COL4A1: variants seen among roughly 807,000 people sequenced by gnomAD.
COL4A1 encodes the protein collagen alpha-1(IV) chain.
Under a neutral mutation model 216.6 loss-of-function variants are expected in COL4A1, and 40 were observed. The observed-to-expected ratio is 0.18, with a 90% CI of 0.14 to 0.24. The LOEUF (loss-of-function observed/expected upper bound fraction) is 0.24. COL4A1 is among the 10% of genes least tolerant of loss of function. The probability of loss-of-function intolerance (pLI) is 1.00; values close to 1 mark genes in which losing one functional copy is unlikely to be tolerated. For synonymous variants in COL4A1, 839 were observed against 810.7 expected, an observed-to-expected ratio of 1.03 and a Z score of -0.59; for missense variants, 1,628 against 2,196.8, an observed-to-expected ratio of 0.74 and a Z score of 5.18.
intron 2 of COL4A1, among the ~76,000 whole-genome samples, chr13:110,218,261 T>G (rs1452753506): frequency 6.6e-6 from 1 of 152,080 alleles, no homozygotes; most frequent in African/African-American, 2.4e-5. Context: ...AATCAAAATT[T>G]TAATGGATTT....
intron 49 of COL4A1, among the ~76,000 whole-genome samples, chr13:110,157,933 C>A (rs977341228): frequency 1.3e-5 from 2 of 152,092 alleles, no homozygotes; most frequent in Non-Finnish European, 2.9e-5. Flanking sequence ...GAGCTCCTGT[C>A]AAGGAGCTCT....
At chr13:110,182,812 T>A (rs1024232431) in intron 28 of COL4A1, among the ~76,000 whole-genome samples, 181 bp downstream of exon 28, 1 of 152,248 alleles carries the variant, frequency 6.6e-6, no homozygotes, top group Non-Finnish European at 1.5e-5. Context: ...AACCCTACAC[T>A]GCAAGGCAGC....
At chr13:110,283,647 G>A (rs2139302927) in intron 1 of COL4A1, among the ~76,000 whole-genome samples, 1 of 152,140 alleles carries the variant, frequency 6.6e-6, no homozygotes. Flanking sequence ...ATGCACACAG[G>A]CATGTGCATG....
intron 1 of COL4A1, among the ~76,000 whole-genome samples, chr13:110,267,660 TG>T (rs1566430980): frequency 6.6e-6 from 1 of 152,186 alleles, no homozygotes; most frequent in Non-Finnish European, 1.5e-5. Flanking sequence ...CAAAGAAAAC[TG>T]ATCTATAGCT....
At chr13:110,250,943 C>G (rs1293395906) in intron 1 of COL4A1, among the ~76,000 whole-genome samples, 2 of 152,200 alleles carry the variant, frequency 1.3e-5, no homozygotes. Context: ...GAAGGAATCT[C>G]CCACCCATAG....
intron 21 of COL4A1, among the ~76,000 whole-genome samples, chr13:110,197,239 T>C (rs988278301): frequency 8.4e-6 from 1 of 118,976 alleles, no homozygotes; most frequent in Non-Finnish European, 1.6e-5. Flanking sequence ...CTCTGTTGAC[T>C]CTCCTGCTTA....
rs371514041 is a variant in COL4A1, at chr13:110,179,416, C to A, written c.2199G>T (p.Glu733Asp). 17 of 1,614,144 alleles carry A rather than the reference C, an allele frequency of 1.1e-5. No individual in the cohort carries two copies. Among genetic ancestry groups the A allele is most frequent in the Non-Finnish European group, 1.2e-5 (14 of 1,180,050 alleles). Reference protein sequence around the residue: ...GNPGVQGQKGEPGVGLPGLKG... With the variant: ...GNPGVQGQKGDPGVGLPGLKG... ...TGAGTCCCGGTAGACCAACTCCAGG[C>A]TCTCCCTGAAAATCCCCAAAGCACA... Residue 733 changes from glutamate (E) to aspartate (D), a missense_variant, in exon 30 of 52, where the codon GAG becomes GAT. Coordinates refer to ENST00000375820, the MANE Select transcript of COL4A1 (RefSeq NM_001845.6).
intron 1 of COL4A1, among the ~76,000 whole-genome samples, chr13:110,262,848 TTTA>T (rs1882882916): frequency 6.6e-6 from 1 of 152,204 alleles, no homozygotes; most frequent in South Asian, 2.1e-4. Context: ...ACGGCTGTAT[TTTA>T]AAACCAGTAT....
chr13:110,152,724 C>G (rs770023169), intron 50 of COL4A1, among the ~76,000 whole-genome samples: 3 of 152,246 alleles, frequency 2.0e-5, no homozygotes, highest in African/African-American at 4.8e-5. Context: ...AGCATGGCCC[C>G]AGGGATCGTC....
chr13:110,176,392 T>A (rs776183280), intron 36 of COL4A1, 32 bp downstream of exon 36: 3 of 1,445,496 alleles, frequency 2.1e-6, no homozygotes, highest in Non-Finnish European at 2.9e-6. Flanking sequence ...CACGCACACA[T>A]GCTAAAGAAT....
In COL4A1 at chr13:110,155,183, G is replaced by A. The variant is rs187072625; in HGVS notation, c.4755+100C>T. 5.3e-4 allele frequency: 456 copies of A among 854,132 alleles called. 2 individuals are homozygous for A. In the African/African-American group the frequency reaches 6.8e-3, roughly 13 times the overall value. 52.9% of individuals were successfully genotyped at this position (854,132 alleles called of 1,614,324 possible). A position where few individuals can be genotyped will look rare whatever the true frequency, so the allele number is the denominator to read the frequency against. On this transcript the variant is annotated intron_variant, in intron 50 of 51. Coordinates refer to ENST00000375820, the MANE Select transcript of COL4A1 (RefSeq NM_001845.6). The stretch of plus-strand genomic sequence containing the variant: ...GAAGAAGGAGGGGCTTAAGCAGCGA[G>A]ATGCAGAGAACTCCAAGGTGTGGAG...
intron 35 of COL4A1, 54 bp from the exon 36 acceptor site, chr13:110,176,567 G>A (rs1877894763): frequency 1.3e-6 from 2 of 1,593,812 alleles, no homozygotes; most frequent in East Asian, 2.2e-5. Context: ...AAAGAGCTGG[G>A]GAACACAGGC....
chr13:110,252,510 TTA>T (rs376419315), intron 1 of COL4A1, among the ~76,000 whole-genome samples: 726 of 9,354 alleles, frequency 0.078, 135 homozygotes, highest in Non-Finnish European at 0.16. Context: ...TATATATGTA[TTA>T]TATATACGTA....
intron 49 of COL4A1, among the ~76,000 whole-genome samples, chr13:110,156,318 CA>C (rs1456348744): frequency 1.3e-5 from 2 of 152,216 alleles, no homozygotes; most frequent in African/African-American, 2.4e-5. Flanking sequence ...TTCTGGAATG[CA>C]ACAGTTTGAA....
chr13:110,169,515 C>CAA, intron 43 of COL4A1, 114 bp downstream of exon 43: 2 of 1,534,886 alleles, frequency 1.3e-6, no homozygotes, highest in Non-Finnish European at 1.8e-6. Context: ...CACACACACA[C>CAA]ACACACACAC....
chr13:110,253,138 A>C (rs12429302), intron 1 of COL4A1, among the ~76,000 whole-genome samples: 1 of 67,412 alleles, frequency 1.5e-5, no homozygotes, highest in East Asian at 6.9e-4. Flanking sequence ...ATATATACAT[A>C]TAACTATATG....
intron 18 of COL4A1, 70 bp from the exon 19 acceptor site, chr13:110,201,592 T>G (rs1740057883): frequency 8.0e-7 from 1 of 1,255,742 alleles, no homozygotes; most frequent in African/African-American, 1.5e-5. Flanking sequence ...TAAAGCAGTA[T>G]GAGTGAAGAA....
chr13:110,210,773 C>T (rs1354408742), intron 8 of COL4A1, among the ~76,000 whole-genome samples: 2 of 152,182 alleles, frequency 1.3e-5, no homozygotes, highest in East Asian at 1.9e-4. Flanking sequence ...TGCTGGTGGG[C>T]CTCATCCCAT....
At chr13:110,198,696 A>C in intron 20 of COL4A1, 65 bp from the exon 21 acceptor site, 375 of 1,589,140 alleles carry the variant, frequency 2.4e-4, no homozygotes, top group Non-Finnish European at 2.9e-4. Context: ...GCATAAACTC[A>C]TTCTCCTAAC....
Sources: gnomAD v4.1 joint callset for allele counts (sites outside exome capture counted in the v4.1 genomes callset) on GRCh38, gnomAD v4.1.1 for gene constraint, MANE v1.5 for transcripts, NCBI Gene and HGNC (gene_info 2026-07-23, HGNC 2026-07-21) for gene names.